Variants in TTN observed in about 807,000 individuals in gnomAD.
TTN encodes the protein titin.
Under a neutral mutation model 3,223.0 loss-of-function variants are expected in TTN, and 1,525 were observed. That is an observed-to-expected ratio of 0.47 (90% confidence interval 0.45 to 0.49). TTN has a LOEUF of 0.49. Ranked by LOEUF, TTN falls within the 20% of genes least tolerant of loss-of-function variation. The pLI, the probability that TTN is intolerant of heterozygous loss-of-function variation, is 0.00. For synonymous variants in TTN, 14,094 were observed against 15,161.0 expected (o/e 0.93, Z 5.17); for missense variants, 40,786 against 43,424.0 (o/e 0.94, Z 5.40).
At chr2:178,637,150 T>G (rs1251304738) in intron 224 of TTN, among the ~76,000 whole-genome samples, 12 of 63,434 alleles carry the variant, frequency 1.9e-4, no homozygotes, top group African/African-American at 7.1e-4. Flanking sequence ...TAGTTGGATA[T>G]ATATATATAT....
At position 178,565,861 on chromosome 2, in the gene TTN, G is replaced by A. The variant is rs199875474; in HGVS notation, c.80271C>T (p.Val26757=). 7.3e-4 allele frequency: 1,171 copies of A among 1,613,612 alleles called. 8 individuals are homozygous for A. In the South Asian group the frequency reaches 7.3e-3, roughly 10 times the overall value. The change falls in exon 326 of 363, where the codon GTC becomes GTT. Residue 26757 remains valine, a synonymous_variant. Coordinates refer to ENST00000589042, the MANE Select transcript of TTN (RefSeq NM_001267550.2). The part of the protein sequence containing the change: ...LTEGAIYYFR[V]MAENEFGVGV... ...CAACTCCAAATTCATTTTCAGCCAT[G>A]ACTCTGAAGTAATAAATGGCTCCTT...
chr2:178,747,717 T>C, intron 47 of TTN: 1 of 1,612,110 alleles, frequency 6.2e-7, no homozygotes, highest in Non-Finnish European at 8.5e-7. Context: ...GCCTCAGTGG[T>C]ATGTGCCTCA....
chr2:178,752,645 T>A (rs2085867002), intron 47 of TTN, among the ~76,000 whole-genome samples: 1 of 152,078 alleles, frequency 6.6e-6, no homozygotes, highest in Non-Finnish European at 1.5e-5. Context: ...AAATGATATA[T>A]GTGAATGAAG....
chr2:178,795,467 T>A (rs1038587661), intron 6 of TTN, among the ~76,000 whole-genome samples: 2 of 152,058 alleles, frequency 1.3e-5, no homozygotes, highest in Admixed American at 1.3e-4. Context: ...GAGAATCAGC[T>A]TTAATTCCAA....
chr2:178,589,572 A>T lies in TTN; in HGVS notation c.62153T>A (p.Val20718Glu), dbSNP rs976375342. ...AGTTTCTTTAATGCTTCCTTTATGCACTCTTTCCCAGTCATCGGAGCCCTT... is the reference window on the plus strand; with the variant it reads ...AGTTTCTTTAATGCTTCCTTTATGCTCTCTTTCCCAGTCATCGGAGCCCTT... ...RLKGSDDWER[V>E]HKGSIKETHY... The change falls in exon 304 of 363, where the codon GTG becomes GAG. Residue 20718 changes from valine to glutamate, a missense_variant. Transcript: ENST00000589042. 8 of 1,613,102 alleles carry T rather than the reference A, an allele frequency of 5.0e-6. 1 individual carries two copies. The highest frequency in any genetic ancestry group is 6.8e-6 in the Non-Finnish European group (8 of 1,179,600).
In TTN at chr2:178,531,896, T is replaced by C. The variant is rs1368612223; in HGVS notation, c.104719A>G (p.Ile34907Val). 1 of 1,612,670 alleles carries C rather than the reference T, an allele frequency of 6.2e-7. No homozygotes were observed. Among genetic ancestry groups the C allele is most frequent in the Non-Finnish European group, 8.5e-7 (1 of 1,179,254 alleles). Residue 34907 changes from isoleucine (I) to valine (V), a missense_variant, in exon 358 of 363, where the codon ATC becomes GTC. Transcript: ENST00000589042. Reference sequence around the variant, plus strand: ...TTCATGGACTCATACCTGGAAAAGATATCAAATCTTGCAGACCTCTCAAAT... The same window carrying C: ...TTCATGGACTCATACCTGGAAAAGACATCAAATCTTGCAGACCTCTCAAAT... ...SRFERSARFD[I>V]FSRYESMKAA...
intron 14 of TTN, 36 bp downstream of exon 14, chr2:178,785,812 A>G (rs2093133740): frequency 6.2e-7 from 1 of 1,614,134 alleles, no homozygotes; most frequent in Non-Finnish European, 8.5e-7. Context: ...TTGCTTTACC[A>G]TGAACAAGGT....
intron 157 of TTN, 37 bp from the exon 158 acceptor site, chr2:178,669,712 A>G (rs769210512): frequency 1.3e-6 from 2 of 1,599,178 alleles, no homozygotes; most frequent in Non-Finnish European, 1.7e-6. Flanking sequence ...TTTTCAGAAC[A>G]TTATAGTTGG....
rs2054458179 is a variant in TTN at position 178,605,048 on chromosome 2, G to A, written c.54129C>T (p.Tyr18043=). 2.5e-6 allele frequency: 4 copies of A among 1,611,960 alleles called. No individual in the cohort carries two copies. In the East Asian group the frequency reaches 8.9e-5, roughly 36 times the overall value. The change falls in exon 280 of 363, where the codon TAC becomes TAT. Residue 18043 remains tyrosine (Y), a synonymous_variant. Coordinates refer to ENST00000589042, the MANE Select transcript of TTN (RefSeq NM_001267550.2). ...PKAVREDKGT[Y]TVTASNRLGS... ...CAAGGCGATTGGAAGCAGTAACTGT[G>A]TAAGTGCCTTTGTCCTCCCGGACCG...
In TTN at chr2:178,612,049, A is replaced by G. The variant is rs2056425452; in HGVS notation, c.50354+8T>C. On this transcript the variant is annotated splice_region_variant and intron_variant, in intron 267 of 362. Coordinates refer to ENST00000589042, the MANE Select transcript of TTN (RefSeq NM_001267550.2). ...AAGTTATTCTTTATGAATTAATTCA[A>G]ATTCTACCTCTGTATTGGTCTTCCA... 1 of 1,605,040 alleles carries G rather than the reference A, an allele frequency of 6.2e-7. No homozygotes were observed. Among genetic ancestry groups the G allele is most frequent in the Admixed American group, 1.7e-5 (1 of 58,306 alleles).
rs542813165 is a variant in TTN at position 178,577,747 on chromosome 2, A to G, written c.68679T>C (p.His22893=). ...TAAAGGCACATTCTGGGACATTAAC[A>G]TGGTTGGCTTTCATCCAAGACTTCG... is the stretch of plus-strand genomic sequence containing the variant. ...LPSKSWMKAN[H]VNVPECAFTV... is the part of the protein sequence containing the mutation. Residue 22893 remains histidine, a synonymous_variant, in exon 323 of 363, where the codon CAT becomes CAC. Coordinates refer to ENST00000589042, the MANE Select transcript of TTN (RefSeq NM_001267550.2). 3 of 1,613,440 alleles carry G rather than the reference A, an allele frequency of 1.9e-6. No individual in the cohort carries two copies. Among genetic ancestry groups the G allele is most frequent in the South Asian group, 2.2e-5 (2 of 91,046 alleles).
At chr2:178,667,742 A>C in intron 159 of TTN, 21 bp from the exon 160 acceptor site, 1 of 1,484,794 alleles carries the variant, frequency 6.7e-7, no homozygotes, top group Non-Finnish European at 9.2e-7. Context: ...ATTAGTATTT[A>C]AATAATTAGG....
At chr2:178,537,981 G>T (rs900142647) in intron 354 of TTN, 64 bp from the exon 355 acceptor site, 2 of 1,358,402 alleles carry the variant, frequency 1.5e-6, no homozygotes, top group Non-Finnish European at 2.0e-6. Context: ...CTTTGTCCTT[G>T]TATATCAGGA....
In TTN at chr2:178,688,964, A is replaced by C. The variant is rs1351032045; in HGVS notation, c.32095+89T>G. On this transcript the variant is annotated intron_variant, in intron 125 of 362. Transcript: ENST00000589042. ...TGAGACAATGGATCAGTATAAGCAC[A>C]GACCAGATGGAAAAAGCAAGAATTT... 5 of 1,387,002 alleles carry C rather than the reference A, an allele frequency of 3.6e-6. No individual in the cohort carries two copies. In the East Asian group the frequency reaches 1.2e-4, roughly 33 times the overall value. 85.9% of individuals were successfully genotyped at this position (1,387,002 alleles called of 1,614,324 possible).
intron 8 of TTN, 40 bp from the exon 9 acceptor site, chr2:178,793,581 T>C (rs1286810994): frequency 6.2e-7 from 1 of 1,610,458 alleles, no homozygotes. Flanking sequence ...CCTTAATGCA[T>C]CTTACATAAA....
At chr2:178,736,308 C>T (rs1336354651) in intron 49 of TTN, among the ~76,000 whole-genome samples, 1 of 152,130 alleles carries the variant, frequency 6.6e-6, no homozygotes, top group South Asian at 2.1e-4. Flanking sequence ...AAAAGACAAG[C>T]GTTCCTTTAT....
chr2:178,630,492 G>C (rs2059671101), intron 238 of TTN, 125 bp from the exon 239 acceptor site: 1 of 1,264,740 alleles, frequency 7.9e-7, no homozygotes. Context: ...ATATAACTTT[G>C]AGCTCTTTTT....
intron 360 of TTN, 44 bp from the exon 361 acceptor site, chr2:178,528,471 TG>T: frequency 6.2e-7 from 1 of 1,603,258 alleles, no homozygotes; most frequent in South Asian, 1.1e-5. Context: ...GTTCTTCAGA[TG>T]TGGAAGACAT....
chr2:178,804,413 A>T, intron 2 of TTN, 139 bp downstream of exon 2: 1 of 773,424 alleles, frequency 1.3e-6, no homozygotes, highest in South Asian at 1.5e-5. Flanking sequence ...ATACCCTTAA[A>T]ATGACCTTTC....
Sources: allele counts gnomAD v4.1 joint callset (sites outside exome capture counted in the v4.1 genomes callset), GRCh38; gene constraint gnomAD v4.1.1; transcripts MANE v1.5; gene names NCBI Gene and HGNC (gene_info 2026-07-23, HGNC 2026-07-21).